Variants in CCDC102B observed in about 807,000 individuals in gnomAD.
CCDC102B encodes the protein coiled-coil domain containing 102B.
Under a neutral mutation model 57.4 loss-of-function variants are expected in CCDC102B, and 75 were observed. The observed-to-expected ratio is 1.31, with a 90% CI of 1.08 to 1.58. The LOEUF (loss-of-function observed/expected upper bound fraction) is 1.58, where lower values mean the gene tolerates loss of function less well. Among genes scored for constraint, CCDC102B ranks in the 40% most tolerant of loss-of-function variants. The pLI, the probability that CCDC102B is intolerant of heterozygous loss-of-function variation, is 0.00. For synonymous variants in CCDC102B, 206 were observed against 201.9 expected (o/e 1.02, Z -0.17); for missense variants, 636 against 582.6 (o/e 1.09, Z -0.94).
In CCDC102B at chr18:69,028,786, A is replaced by G. The variant is rs199949483; in HGVS notation, c.1434+17682A>G. On this transcript the variant is annotated intron_variant, in intron 7 of 7. Coordinates refer to ENST00000360242, the MANE Select transcript of CCDC102B (RefSeq NM_024781.3). The stretch of plus-strand genomic sequence containing the variant: ...TCACCAAGTTTCCTGAGTAACAGAG[A>G]AGAGTGAACAAGCAGCCCAGAATAT... Among the ~76,000 whole-genome samples the G allele has an allele frequency of 4.0e-5, 6 of 151,630 alleles. No individual in the cohort carries two copies. In the East Asian group the frequency reaches 7.7e-4, roughly 20 times the overall value.
chr18:68,942,358 A>C (rs1371601280), intron 6 of CCDC102B, among the ~76,000 whole-genome samples: 2 of 152,106 alleles, frequency 1.3e-5, no homozygotes, highest in African/African-American at 4.8e-5. Context: ...GACACAAAGT[A>C]TAGAGAAAGA....
intron 7 of CCDC102B, among the ~76,000 whole-genome samples, chr18:69,037,026 TATACAC>T (rs1024585552): frequency 1.8e-3 from 101 of 56,268 alleles, no homozygotes; most frequent in African/African-American, 5.5e-3. Context: ...GGGGTGTATA[TATACAC>T]ACACACACAC....
chr18:68,907,336 T>TA (rs369141505), intron 6 of CCDC102B, among the ~76,000 whole-genome samples: 2,552 of 148,098 alleles, frequency 0.017, 56 homozygotes, highest in African/African-American at 0.056. Context: ...TTTTTGCAAA[T>TA]AAAAAAAAAA....
At chr18:68,938,691 TC>T (rs1212409117) in intron 6 of CCDC102B, among the ~76,000 whole-genome samples, 1 of 151,552 alleles carries the variant, frequency 6.6e-6, no homozygotes, top group Non-Finnish European at 1.5e-5. Context: ...TTATTTATAT[TC>T]TTTGTTATAA....
At chr18:68,725,124 A>G (rs549925256) in intron 2 of CCDC102B, among the ~76,000 whole-genome samples, 70 of 152,326 alleles carry the variant, frequency 4.6e-4, no homozygotes, top group African/African-American at 1.6e-3. Flanking sequence ...CACTATCATG[A>G]GAACAGCATC....
intron 6 of CCDC102B, among the ~76,000 whole-genome samples, chr18:68,969,554 A>G (rs1405689481): frequency 2.0e-5 from 3 of 150,618 alleles, no homozygotes; most frequent in South Asian, 2.1e-4. Context: ...TATAGCAGAC[A>G]TGGTACACAG....
At chr18:68,803,299 G>A (rs2035918657) in intron 1 of CCDC102B, among the ~76,000 whole-genome samples, 1 of 152,108 alleles carries the variant, frequency 6.6e-6, no homozygotes, top group Non-Finnish European at 1.5e-5. Flanking sequence ...TGAATAAAAA[G>A]TAAAACCCCT....
At chr18:68,945,976 G>T in intron 6 of CCDC102B, among the ~76,000 whole-genome samples, 1 of 151,354 alleles carries the variant, frequency 6.6e-6, no homozygotes, top group East Asian at 1.9e-4. Context: ...TCTTATTTTT[G>T]TTCTTTTCAA....
At chr18:68,880,363 T>C (rs1299813755) in intron 5 of CCDC102B, among the ~76,000 whole-genome samples, 2 of 152,104 alleles carry the variant, frequency 1.3e-5, no homozygotes, top group African/African-American at 4.8e-5. Flanking sequence ...CCCCGGTTCC[T>C]GCTCGTGCCT....
chr18:68,745,712 C>T (rs576240451), intron 2 of CCDC102B, among the ~76,000 whole-genome samples: 1 of 152,062 alleles, frequency 6.6e-6, no homozygotes, highest in Non-Finnish European at 1.5e-5. Context: ...ATTTTTGTAC[C>T]TATTAACCTA....
chr18:69,014,947 C>T (rs1469229244), intron 7 of CCDC102B, among the ~76,000 whole-genome samples: 1 of 135,360 alleles, frequency 7.4e-6, no homozygotes, highest in Non-Finnish European at 1.6e-5. Context: ...CTGCACTATA[C>T]TGTATGTGAA....
rs2037435469 is a variant in CCDC102B at position 68,837,477 on chromosome 18, C to A, written c.606+108C>A. The stretch of plus-strand genomic sequence containing the variant: ...TGGTGATTATACTAGCCTGCCAGGG[C>A]TACCATAACAAAGTACCATAATCAC... On this transcript the variant is annotated intron_variant, in intron 2 of 7. Coordinates refer to ENST00000360242, the MANE Select transcript of CCDC102B (RefSeq NM_024781.3). The A allele has an allele frequency of 4.7e-6, 5 of 1,070,516 alleles. No individual in the cohort carries two copies. In the African/African-American group the frequency reaches 4.8e-5, roughly 10 times the overall value. 66.3% of individuals were successfully genotyped at this position (1,070,516 alleles called of 1,614,324 possible). A position where few individuals can be genotyped will look rare whatever the true frequency, so the allele number is the denominator to read the frequency against.
rs143074948 is a variant in CCDC102B at position 68,844,995 on chromosome 18, A to G, written c.828-1318A>G. Reference sequence around the variant, plus strand: ...ATAAGGGATTCCGGATCAGAGTCCTATAAGTGGTGCTTTGCACCATTTTTT... The same window carrying G: ...ATAAGGGATTCCGGATCAGAGTCCTGTAAGTGGTGCTTTGCACCATTTTTT... On this transcript the variant is annotated intron_variant, in intron 3 of 7. Transcript: ENST00000360242. 5.2e-3 allele frequency among the ~76,000 whole-genome samples: 793 copies of G among 152,020 alleles called. 6 individuals are homozygous for G. The highest frequency in any genetic ancestry group is 0.018 in the African/African-American group (755 of 41,546).
intron 2 of CCDC102B, chr18:68,721,016 G>C (rs1333417437): frequency 6.6e-6 from 1 of 152,262 alleles, no homozygotes; most frequent in African/African-American, 2.4e-5. Context: ...TGAGGCTACA[G>C]TGAACTATGG....
intron 2 of CCDC102B, among the ~76,000 whole-genome samples, chr18:68,787,036 A>G (rs1389975690): frequency 6.6e-6 from 1 of 151,214 alleles, no homozygotes; most frequent in Non-Finnish European, 1.5e-5. Context: ...TTTTAGCATG[A>G]AGGGTTGTTG....
intron 6 of CCDC102B, among the ~76,000 whole-genome samples, chr18:68,959,722 C>T (rs2049997784): frequency 6.6e-6 from 1 of 151,980 alleles, no homozygotes; most frequent in Admixed American, 6.6e-5. Context: ...GTCTCTGCCA[C>T]TCTTTGCTCC....
chr18:69,045,805 T>C (rs955405103), intron 7 of CCDC102B, among the ~76,000 whole-genome samples: 2 of 152,266 alleles, frequency 1.3e-5, no homozygotes, highest in East Asian at 3.9e-4. Flanking sequence ...CTCCTCTTTG[T>C]GTCCATGTGC....
At position 69,005,612 on chromosome 18, in the gene CCDC102B, C is replaced by T. The variant is rs898527571; in HGVS notation, c.1264-5322C>T. 2.0e-4 allele frequency among the ~76,000 whole-genome samples: 31 copies of T among 151,926 alleles called. No homozygotes were observed. In the East Asian group the frequency reaches 3.1e-3, roughly 15 times the overall value. On this transcript the variant is annotated intron_variant, in intron 6 of 7. Coordinates refer to ENST00000360242, the MANE Select transcript of CCDC102B (RefSeq NM_024781.3). ...AATATATTTTGTCAGCTTGCTATGACTAAACTCAATCTTCAGTAGTTGATG... is the reference window on the plus strand; with the variant it reads ...AATATATTTTGTCAGCTTGCTATGATTAAACTCAATCTTCAGTAGTTGATG...
intron 7 of CCDC102B, among the ~76,000 whole-genome samples, chr18:69,026,257 G>A (rs111661442): frequency 0.065 from 9,884 of 152,114 alleles, 1,077 homozygotes; most frequent in African/African-American, 0.22. Flanking sequence ...CCTGAGGTCA[G>A]GAGTTCGAGA....
Sources: gnomAD v4.1 joint callset for allele counts (sites outside exome capture counted in the v4.1 genomes callset) on GRCh38, gnomAD v4.1.1 for gene constraint, MANE v1.5 for transcripts, NCBI Gene and HGNC (gene_info 2026-07-23, HGNC 2026-07-21) for gene names.